Variants in RGMA observed in about 807,000 individuals in gnomAD.
RGMA encodes the protein repulsive guidance molecule BMP co-receptor a, also known as repulsive guidance molecule A.
A neutral mutation model predicts 23.2 loss-of-function variants in RGMA; 10 were observed. That is an observed-to-expected ratio of 0.43 (90% CI 0.27 to 0.73). The LOEUF is 0.73. RGMA is among the 30% of genes least tolerant of loss of function. The pLI, the probability that RGMA is intolerant of heterozygous loss-of-function variation, is 0.20. For synonymous variants in RGMA, 308 were observed against 279.3 expected (o/e 1.10, Z -1.03); for missense variants, 547 against 630.5 (o/e 0.87, Z 1.42).
At chr15:93,049,270 G>T (rs1446524744) in intron 3 of RGMA, among the ~76,000 whole-genome samples, 2 of 152,210 alleles carry the variant, frequency 1.3e-5, no homozygotes, top group African/African-American at 4.8e-5. Context: ...GGGGCTCGGG[G>T]TACACGAGGG....
chr15:93,073,837 G>C (rs1371601995), intron 1 of RGMA: 1 of 1,512,686 alleles, frequency 6.6e-7, no homozygotes, highest in Non-Finnish European at 8.8e-7. Flanking sequence ...CTGCGCCCCC[G>C]TGCTGAGGGC....
At chr15:93,082,370 T>C (rs1425447352) in intron 1 of RGMA, among the ~76,000 whole-genome samples, 1 of 152,228 alleles carries the variant, frequency 6.6e-6, no homozygotes, top group Non-Finnish European at 1.5e-5. Flanking sequence ...AACTCCCCCA[T>C]GTAACCAGCG....
rs1408855493 is a variant in RGMA, at chr15:93,035,793, G to T, written c.*9205C>A. ...CACCTCATGCAATGGCTTTCCCTGC[G>T]GTCTCCCAAGGGGCTTTGCGCCAGT... On this transcript the variant is annotated 3_prime_UTR_variant, in exon 4 of 4. Coordinates refer to ENST00000329082, the MANE Select transcript of RGMA (RefSeq NM_020211.3). 1 of 152,208 alleles carries T rather than the reference G, an allele frequency of 6.6e-6. No homozygotes were observed. The highest frequency in any genetic ancestry group is 2.4e-5 in the African/African-American group (1 of 41,428). 9.4% of individuals were successfully genotyped at this position (152,208 alleles called of 1,614,324 possible). A position where few individuals can be genotyped will look rare whatever the true frequency, so the allele number is the denominator to read the frequency against.
At chr15:93,065,479 C>T in intron 2 of RGMA, 1 of 467,624 alleles carries the variant, frequency 2.1e-6, no homozygotes, top group Non-Finnish European at 4.0e-6. Flanking sequence ...TATTTTGATG[C>T]CATGAATTAT....
At chr15:93,082,694 G>A (rs1243417739) in intron 1 of RGMA, among the ~76,000 whole-genome samples, 2 of 152,200 alleles carry the variant, frequency 1.3e-5, no homozygotes, top group African/African-American at 4.8e-5. Context: ...AACTTTTTAA[G>A]AAGAGAAAAA....
Position 93,044,702 on chromosome 15 carries a change from G to A in RGMA, c.*296C>T, listed in dbSNP as rs2054785377. Reference sequence around the variant, plus strand: ...CCCAGTGTGTCTCTGGTGGGGGTGGGGGGCTTCAGCCTGAGGGGATGTTTC... The same window carrying A: ...CCCAGTGTGTCTCTGGTGGGGGTGGAGGGCTTCAGCCTGAGGGGATGTTTC... On this transcript the variant is annotated 3_prime_UTR_variant, in exon 4 of 4. Coordinates refer to ENST00000329082, the MANE Select transcript of RGMA (RefSeq NM_020211.3). 1.1e-5 allele frequency: 5 copies of A among 448,334 alleles called. No individual in the cohort carries two copies. The highest frequency in any genetic ancestry group is 7.7e-5 in the Admixed American group (2 of 26,004). 27.8% of individuals were successfully genotyped at this position (448,334 alleles called of 1,614,324 possible). A position where few individuals can be genotyped will look rare whatever the true frequency, so the allele number is the denominator to read the frequency against.
At chr15:93,088,852 C>G (rs1895686171) in intron 1 of RGMA, 67 bp downstream of exon 1, 2 of 1,402,610 alleles carry the variant, frequency 1.4e-6, no homozygotes, top group Non-Finnish European at 1.9e-6. Flanking sequence ...GCCGTGGCCC[C>G]GGCATGTGTC....
chr15:93,048,388 T>C (rs1243580505), intron 3 of RGMA, among the ~76,000 whole-genome samples: 2 of 152,150 alleles, frequency 1.3e-5, no homozygotes, highest in African/African-American at 4.8e-5. Context: ...GGCGGTCTTC[T>C]CATGAGCCCG....
intron 2 of RGMA, among the ~76,000 whole-genome samples, chr15:93,068,273 G>A (rs1895219667): frequency 6.6e-6 from 1 of 152,080 alleles, no homozygotes; most frequent in African/African-American, 2.4e-5. Context: ...GCCCCTAACT[G>A]CTACTCAACC....
rs140974264 is a variant in RGMA at position 93,051,079 on chromosome 15, A to C, written c.645+914T>G. On this transcript the variant is annotated intron_variant, in intron 3 of 3. Transcript: ENST00000329082. ...GCCAAGGGCCCGCTTGGGAATCCACAGGGCGAAGACCTGCTTATTTCCCGC... is the reference window on the plus strand; with the variant it reads ...GCCAAGGGCCCGCTTGGGAATCCACCGGGCGAAGACCTGCTTATTTCCCGC... Among the ~76,000 whole-genome samples the C allele has an allele frequency of 3.4e-3, 522 of 152,292 alleles. 3 individuals are homozygous for C. The highest frequency in any genetic ancestry group is 6.8e-3 in the Middle Eastern group (2 of 294).
chr15:93,042,852 A>G lies in RGMA; in HGVS notation c.*2146T>C, dbSNP rs1185411107. On this transcript the variant is annotated 3_prime_UTR_variant, in exon 4 of 4. Coordinates refer to ENST00000329082, the MANE Select transcript of RGMA (RefSeq NM_020211.3). ...CCGCCCGGGCTATGAGAAGATGGGC[A>G]CTGGCAGGGAGGGTGGCAGGCAGTC... The G allele has an allele frequency of 6.6e-6, 1 of 151,338 alleles. No homozygotes were observed. The highest frequency in any genetic ancestry group is 2.2e-4 in the East Asian group (1 of 4,636). 9.4% of individuals were successfully genotyped at this position (151,338 alleles called of 1,614,324 possible).
intron 3 of RGMA, among the ~76,000 whole-genome samples, chr15:93,048,258 C>T (rs1284509583): frequency 2.6e-5 from 4 of 152,030 alleles, no homozygotes; most frequent in African/African-American, 7.3e-5. Flanking sequence ...GGGTGTGGAA[C>T]CCCCGGAAGA....
At position 93,042,692 on chromosome 15, in the gene RGMA, C is replaced by CT. The variant is rs1170910978; in HGVS notation, c.*2305dup. 1 of 152,292 alleles carries CT rather than the reference C, an allele frequency of 6.6e-6. No individual in the cohort carries two copies. Among genetic ancestry groups the CT allele is most frequent in the Non-Finnish European group, 1.5e-5 (1 of 68,086 alleles). 9.4% of individuals were successfully genotyped at this position (152,292 alleles called of 1,614,324 possible). ...TAGGCAAGTCAGTTAATCTCAGAGTCTGTTTCATCGGCAAAATGGGCCTGA... is the reference window on the plus strand; with the variant it reads ...TAGGCAAGTCAGTTAATCTCAGAGTCTTGTTTCATCGGCAAAATGGGCCTGA... On this transcript the variant is annotated 3_prime_UTR_variant, in exon 4 of 4. Transcript: ENST00000329082.
rs1240530332 is a variant in RGMA, at chr15:93,040,573, C to T, written c.*4425G>A. 6.6e-6 allele frequency: 1 copy of T among 152,226 alleles called. No homozygotes were observed. The highest frequency in any genetic ancestry group is 1.9e-4 in the East Asian group (1 of 5,204). The allele number at this position is 152,226 out of a possible 1,614,324, so 9.4% of individuals were successfully genotyped here. ...CCCACCACAGATGAATGCCCCTTCT[C>T]ACCCTCCTGCAATCCAAAATGTGTG... On this transcript the variant is annotated 3_prime_UTR_variant, in exon 4 of 4. Transcript: ENST00000329082.
At chr15:93,058,685 C>T (rs901367137) in intron 2 of RGMA, among the ~76,000 whole-genome samples, 1 of 152,116 alleles carries the variant, frequency 6.6e-6, no homozygotes, top group African/African-American at 2.4e-5. Context: ...CCCACCCCAC[C>T]CTCAGGTACC....
At chr15:93,054,245 A>T (rs1220046330) in intron 2 of RGMA, among the ~76,000 whole-genome samples, 1 of 151,788 alleles carries the variant, frequency 6.6e-6, no homozygotes. Context: ...AAAAAAAAAA[A>T]AAATTGATGG....
chr15:93,048,674 T>C (rs927374526), intron 3 of RGMA, among the ~76,000 whole-genome samples: 1 of 152,180 alleles, frequency 6.6e-6, no homozygotes, highest in Non-Finnish European at 1.5e-5. Flanking sequence ...ATGAGATTGC[T>C]GCTACTCTAC....
At chr15:93,053,226 G>C (rs1314876674) in intron 2 of RGMA, among the ~76,000 whole-genome samples, 1 of 152,220 alleles carries the variant, frequency 6.6e-6, no homozygotes, top group Non-Finnish European at 1.5e-5. Context: ...CAAGCTTTGA[G>C]ACTTTAGTGA....
intron 2 of RGMA, among the ~76,000 whole-genome samples, chr15:93,070,033 G>A (rs143683972): frequency 6.6e-6 from 1 of 152,308 alleles, no homozygotes; most frequent in African/African-American, 2.4e-5. Flanking sequence ...TGCCTGTGCT[G>A]TCCCCAAAGA....
Sources: gnomAD v4.1 joint callset for allele counts (sites outside exome capture counted in the v4.1 genomes callset) on GRCh38, gnomAD v4.1.1 for gene constraint, MANE v1.5 for transcripts, NCBI Gene and HGNC (gene_info 2026-07-23, HGNC 2026-07-21) for gene names.